EBF1: variants seen among roughly 807,000 people sequenced by gnomAD.
The protein encoded by EBF1 is EBF transcription factor 1.
EBF1 carries 10 observed loss-of-function variants against 68.4 expected under a neutral mutation model. The ratio of observed to expected loss-of-function variants is 0.15; its 90% CI spans 0.09 to 0.25. EBF1 has a LOEUF of 0.25. Ranked by LOEUF, EBF1 falls within the 10% of genes least tolerant of loss-of-function variation. EBF1 has a pLI of 1.00. For missense variants in EBF1, 509 were observed against 794.4 expected (o/e 0.64, Z 4.32); for synonymous variants, 298 against 299.8 (o/e 0.99, Z 0.06).
At chr5:159,001,946 C>A (rs371315748) in intron 6 of EBF1, among the ~76,000 whole-genome samples, 72 of 152,054 alleles carry the variant, frequency 4.7e-4, no homozygotes, top group African/African-American at 1.5e-3. Flanking sequence ...TGTGTGTGTG[C>A]CTGCGTGCAC....
chr5:158,918,316 G>A (rs1256674736), intron 6 of EBF1, among the ~76,000 whole-genome samples: 1 of 152,160 alleles, frequency 6.6e-6, no homozygotes, highest in East Asian at 1.9e-4. Context: ...ATTTATACTA[G>A]CATCTCCTGG....
intron 7 of EBF1, among the ~76,000 whole-genome samples, chr5:158,832,016 T>C (rs10072741): frequency 0.6 from 90,578 of 152,060 alleles, 27,145 homozygotes; most frequent in South Asian, 0.7. Flanking sequence ...ACACTTAGTA[T>C]GTTGTCTGAC....
At chr5:158,925,190 T>A (rs1386602052) in intron 6 of EBF1, among the ~76,000 whole-genome samples, 2 of 152,146 alleles carry the variant, frequency 1.3e-5, no homozygotes, top group Non-Finnish European at 2.9e-5. Context: ...TCTAAAGTAA[T>A]CCCTATCGGT....
intron 6 of EBF1, among the ~76,000 whole-genome samples, chr5:158,990,453 G>T (rs994633183): frequency 7.1e-6 from 1 of 141,696 alleles, no homozygotes; most frequent in Admixed American, 7.0e-5. Context: ...GAAGGCAACT[G>T]CAATAAGACA....
intron 9 of EBF1, among the ~76,000 whole-genome samples, chr5:158,784,927 G>A (rs972190440): frequency 1.3e-5 from 2 of 152,102 alleles, no homozygotes; most frequent in Non-Finnish European, 2.9e-5. Flanking sequence ...TACTGCACCA[G>A]CTCCTATGTG....
chr5:158,983,897 A>AGCGTGTGTGT (rs781346130), intron 6 of EBF1: 3 of 140,076 alleles, frequency 2.1e-5, no homozygotes, highest in Non-Finnish European at 4.7e-5. Context: ...CAACTGTAAG[A>AGCGTGTGTGT]GTGTGTGTGT....
At chr5:159,040,389 A>G (rs1333590137) in intron 6 of EBF1, among the ~76,000 whole-genome samples, 3 of 152,186 alleles carry the variant, frequency 2.0e-5, no homozygotes, top group Non-Finnish European at 4.4e-5. Context: ...TCCAGATTAC[A>G]AGCGACTCAA....
intron 6 of EBF1, among the ~76,000 whole-genome samples, chr5:158,929,440 A>C (rs935759307): frequency 1.3e-5 from 2 of 152,208 alleles, no homozygotes; most frequent in Non-Finnish European, 2.9e-5. Flanking sequence ...AATATTCCCT[A>C]TACGAAGAAG....
chr5:159,081,131 C>G (rs940774494), intron 5 of EBF1, among the ~76,000 whole-genome samples: 18 of 152,022 alleles, frequency 1.2e-4, no homozygotes, highest in Non-Finnish European at 2.5e-4. Context: ...CAGGCATGCA[C>G]CATGCCTGGC....
intron 6 of EBF1, among the ~76,000 whole-genome samples, chr5:158,906,710 G>A (rs530687342): frequency 2.6e-4 from 40 of 152,342 alleles, no homozygotes; most frequent in African/African-American, 7.2e-4. Context: ...CAACCTCACA[G>A]AGCCAGGAAG....
chr5:159,055,762 G>A (rs1386374551), intron 6 of EBF1, among the ~76,000 whole-genome samples: 1 of 152,038 alleles, frequency 6.6e-6, no homozygotes, highest in Non-Finnish European at 1.5e-5. Context: ...GGATTTGGTG[G>A]TGATTTGGAA....
chr5:159,075,793 T>C (rs1435365009), intron 5 of EBF1, among the ~76,000 whole-genome samples: 1 of 152,200 alleles, frequency 6.6e-6, no homozygotes, highest in Non-Finnish European at 1.5e-5. Flanking sequence ...CCCAACCTTC[T>C]GCCCCCTTCC....
At chr5:159,048,603 T>C (rs1205825565) in intron 6 of EBF1, among the ~76,000 whole-genome samples, 1 of 152,246 alleles carries the variant, frequency 6.6e-6, no homozygotes, top group African/African-American at 2.4e-5. Context: ...CAGCAGTGAC[T>C]CTGATAATAC....
At chr5:158,743,860 G>A (rs1000042539) in intron 10 of EBF1, among the ~76,000 whole-genome samples, 2 of 152,090 alleles carry the variant, frequency 1.3e-5, no homozygotes, top group African/African-American at 4.8e-5. Context: ...ATATTTAGTA[G>A]ACAGTCGAGA....
intron 7 of EBF1, among the ~76,000 whole-genome samples, chr5:158,829,460 T>C (rs1259288243): frequency 2.0e-5 from 3 of 151,848 alleles, no homozygotes; most frequent in East Asian, 3.9e-4. Flanking sequence ...GCTGGGATTA[T>C]AGTCATGAGC....
chr5:158,820,713 A>C (rs774078169), intron 8 of EBF1, among the ~76,000 whole-genome samples: 20 of 152,286 alleles, frequency 1.3e-4, no homozygotes, highest in Middle Eastern at 6.8e-3. Context: ...ATTTTTTGAA[A>C]AATATAGTAA....
At chr5:159,001,918 C>CGT (rs904825698) in intron 6 of EBF1, among the ~76,000 whole-genome samples, 1 of 151,912 alleles carries the variant, frequency 6.6e-6, no homozygotes, top group South Asian at 2.1e-4. Flanking sequence ...CATTATCACC[C>CGT]GTGTGTGTGT....
chr5:158,716,473 G>A (rs1219604141), intron 11 of EBF1, among the ~76,000 whole-genome samples: 1 of 152,176 alleles, frequency 6.6e-6, no homozygotes, highest in Non-Finnish European at 1.5e-5. Context: ...TCTTGGATTT[G>A]AGGAGTGTGA....
chr5:159,043,337 C>T (rs1229316987), intron 6 of EBF1, among the ~76,000 whole-genome samples: 3 of 152,202 alleles, frequency 2.0e-5, no homozygotes, highest in African/African-American at 7.2e-5. Context: ...CCTCAATAAG[C>T]CAGTTCTTCT....
Sources: allele counts gnomAD v4.1 joint callset (sites outside exome capture counted in the v4.1 genomes callset), GRCh38; gene constraint gnomAD v4.1.1; transcripts MANE v1.5; gene names NCBI Gene and HGNC (gene_info 2026-07-23, HGNC 2026-07-21).